Variants in MEIS1 observed in about 807,000 individuals in gnomAD.
The protein encoded by MEIS1 is homeobox protein Meis1.
In MEIS1, 5 loss-of-function variants were observed where a neutral mutation model predicts 50.8. That is an observed-to-expected ratio of 0.10 (90% CI 0.05 to 0.21). The LOEUF (loss-of-function observed/expected upper bound fraction) is 0.21, where lower values mean the gene tolerates loss of function less well. Among genes scored for constraint, MEIS1 ranks in the 10% least tolerant of loss-of-function variants. The probability of loss-of-function intolerance (pLI) is 1.00; values close to 1 mark genes in which losing one functional copy is unlikely to be tolerated. For missense variants in MEIS1, 318 were observed against 517.3 expected, an observed-to-expected ratio of 0.61 and a Z score of 3.74; for synonymous variants, 176 against 179.3, an observed-to-expected ratio of 0.98 and a Z score of 0.15.
chr2:66,487,193 C>G (rs967432850), intron 7 of MEIS1, among the ~76,000 whole-genome samples: 7 of 152,152 alleles, frequency 4.6e-5, no homozygotes, highest in African/African-American at 7.2e-5. Flanking sequence ...TGAAGCATTG[C>G]ATTGACATTC....
At chr2:66,461,656 G>T (rs1423279341) in intron 6 of MEIS1, 3 of 310,852 alleles carry the variant, frequency 9.7e-6, no homozygotes, top group South Asian at 9.1e-5. Flanking sequence ...AAACATATAG[G>T]TTGCACAAAA....
intron 7 of MEIS1, among the ~76,000 whole-genome samples, chr2:66,487,787 T>C (rs1487691673): frequency 6.6e-6 from 1 of 152,238 alleles, no homozygotes; most frequent in African/African-American, 2.4e-5. Flanking sequence ...TCCCGTCACT[T>C]CTAAACGACT....
chr2:66,510,470 G>T (rs1198162501), intron 7 of MEIS1, among the ~76,000 whole-genome samples: 1 of 152,026 alleles, frequency 6.6e-6, no homozygotes, highest in East Asian at 1.9e-4. Context: ...TTTTCCAAGT[G>T]AACACAAGAT....
chr2:66,446,662 C>T (rs1343815780), intron 6 of MEIS1, among the ~76,000 whole-genome samples: 2 of 152,356 alleles, frequency 1.3e-5, no homozygotes, highest in Non-Finnish European at 2.9e-5. Context: ...CGCCCTGTTG[C>T]ATGTTAATCC....
chr2:66,560,922 A>G (rs1401443849), intron 9 of MEIS1, among the ~76,000 whole-genome samples: 1 of 152,150 alleles, frequency 6.6e-6, no homozygotes, highest in African/African-American at 2.4e-5. Context: ...AAGAAACTAG[A>G]AAAAGGTGCC....
At chr2:66,516,830 G>C (rs1673983733) in intron 8 of MEIS1, among the ~76,000 whole-genome samples, 1 of 152,132 alleles carries the variant, frequency 6.6e-6, no homozygotes, top group Non-Finnish European at 1.5e-5. Flanking sequence ...CATTGGTTTC[G>C]TTTTTAGTAA....
intron 8 of MEIS1, among the ~76,000 whole-genome samples, chr2:66,536,209 G>C (rs537398171): frequency 6.6e-6 from 1 of 152,142 alleles, no homozygotes; most frequent in Non-Finnish European, 1.5e-5. Flanking sequence ...AGTCAGAGAG[G>C]ATTTCTGTGG....
At chr2:66,497,100 G>T (rs950391811) in intron 7 of MEIS1, among the ~76,000 whole-genome samples, 2 of 152,176 alleles carry the variant, frequency 1.3e-5, no homozygotes, top group African/African-American at 4.8e-5. Context: ...TGTGCTGGCT[G>T]TGGAGAGCAT....
intron 8 of MEIS1, among the ~76,000 whole-genome samples, chr2:66,541,618 C>G (rs1464633624): frequency 6.6e-6 from 1 of 152,100 alleles, no homozygotes; most frequent in Non-Finnish European, 1.5e-5. Context: ...AAAACAAACG[C>G]TAAACAAAAA....
intron 5 of MEIS1, 34 bp downstream of exon 5, chr2:66,441,498 C>G: frequency 6.6e-7 from 1 of 1,503,954 alleles, no homozygotes; most frequent in East Asian, 2.6e-5. Flanking sequence ...TTTTACTTAC[C>G]CCTTACCCCC....
intron 9 of MEIS1, among the ~76,000 whole-genome samples, chr2:66,553,845 G>C (rs758191813): frequency 6.6e-6 from 1 of 152,158 alleles, no homozygotes; most frequent in Non-Finnish European, 1.5e-5. Flanking sequence ...TGTTAAAGAC[G>C]AAAGCTCCTT....
intron 8 of MEIS1, among the ~76,000 whole-genome samples, chr2:66,543,897 A>C (rs1321583967): frequency 6.6e-6 from 1 of 152,198 alleles, no homozygotes; most frequent in Non-Finnish European, 1.5e-5. Context: ...ACTGTGGTCA[A>C]ATTTGCTTTG....
At chr2:66,461,137 CTTACA>C (rs1208737599) in intron 6 of MEIS1, among the ~76,000 whole-genome samples, 1 of 152,116 alleles carries the variant, frequency 6.6e-6, no homozygotes, top group Non-Finnish European at 1.5e-5. Context: ...TTCTGTCAGC[CTTACA>C]TTACAAGTGG....
intron 8 of MEIS1, among the ~76,000 whole-genome samples, chr2:66,541,037 T>G (rs753007419): frequency 5.9e-5 from 9 of 151,696 alleles, no homozygotes; most frequent in South Asian, 4.2e-4. Context: ...TTTTATTATT[T>G]TTTATTTTTT....
chr2:66,514,635 C>A (rs889031542), intron 8 of MEIS1, among the ~76,000 whole-genome samples: 9 of 152,304 alleles, frequency 5.9e-5, no homozygotes, highest in African/African-American at 2.2e-4. Context: ...TTACCCACTC[C>A]AATGCCATCT....
At chr2:66,461,286 T>C (rs1444956594) in intron 6 of MEIS1, among the ~76,000 whole-genome samples, 1 of 152,190 alleles carries the variant, frequency 6.6e-6, no homozygotes, top group Admixed American at 6.5e-5. Flanking sequence ...TGAACTTCTC[T>C]GTCCATGGAT....
At chr2:66,441,322 G>A in intron 4 of MEIS1, 92 bp from the exon 5 acceptor site, 1 of 1,059,038 alleles carries the variant, frequency 9.4e-7, no homozygotes, top group South Asian at 1.6e-5. Flanking sequence ...CTATTTACTG[G>A]TGGGAGGGGG....
At chr2:66,454,951 T>A (rs545447867) in intron 6 of MEIS1, among the ~76,000 whole-genome samples, 12 of 152,126 alleles carry the variant, frequency 7.9e-5, no homozygotes, top group Non-Finnish European at 1.8e-4. Context: ...TATCAGTGGA[T>A]TAGGGTTTTT....
At chr2:66,504,139 C>A (rs1034415063) in intron 7 of MEIS1, among the ~76,000 whole-genome samples, 2 of 152,098 alleles carry the variant, frequency 1.3e-5, no homozygotes, top group Non-Finnish European at 2.9e-5. Context: ...CAGGCTCTGA[C>A]TCTCCATGTC....
Sources: allele counts gnomAD v4.1 joint callset (sites outside exome capture counted in the v4.1 genomes callset), GRCh38; gene constraint gnomAD v4.1.1; transcripts MANE v1.5; gene names NCBI Gene and HGNC (gene_info 2026-07-23, HGNC 2026-07-21).